Variants in GALNT13 observed in about 807,000 individuals in gnomAD.
GALNT13 encodes UDP-GalNAc:polypeptide N-acetylgalactosaminyltransferase 13.
A neutral mutation model predicts 64.2 loss-of-function variants in GALNT13; 28 were observed. The observed-to-expected ratio is 0.44, with a 90% CI of 0.32 to 0.60. The LOEUF (loss-of-function observed/expected upper bound fraction) is 0.60. Ranked by LOEUF, GALNT13 falls within the 20% of genes least tolerant of loss-of-function variation. The pLI is 0.05. For missense variants in GALNT13, 577 were observed against 669.8 expected (o/e 0.86, Z 1.53); for synonymous variants, 214 against 224.6 (o/e 0.95, Z 0.42).
the GALNT13 span, among the ~76,000 whole-genome samples, chr2:153,411,247 C>G: frequency 1.3e-5 from 2 of 150,534 alleles, no homozygotes; most frequent in South Asian, 4.2e-4. Context: ...ATTAATTCAT[C>G]AAGTACTTAT....
At chr2:153,610,783 A>C in the GALNT13 span, among the ~76,000 whole-genome samples, 1 of 152,206 alleles carries the variant, frequency 6.6e-6, no homozygotes, top group African/African-American at 2.4e-5. Context: ...GAAGGTAAAA[A>C]ACTAAAGACA....
the GALNT13 span, among the ~76,000 whole-genome samples, chr2:153,861,185 AG>A: frequency 6.6e-6 from 1 of 152,220 alleles, no homozygotes; most frequent in Non-Finnish European, 1.5e-5. Flanking sequence ...AGTCTAAGCA[AG>A]GTAATATACT....
chr2:154,280,448 C>A (rs1280914382), intron 8 of GALNT13, among the ~76,000 whole-genome samples: 1 of 152,152 alleles, frequency 6.6e-6, no homozygotes, highest in African/African-American at 2.4e-5. Flanking sequence ...ACAGGTTGTC[C>A]TATTTCCTCA....
At chr2:153,265,970 G>A in the GALNT13 span, among the ~76,000 whole-genome samples, 12 of 152,040 alleles carry the variant, frequency 7.9e-5, no homozygotes, top group Non-Finnish European at 1.2e-4. Context: ...TCAGATGGTC[G>A]TTAACAATTT....
the GALNT13 span, among the ~76,000 whole-genome samples, chr2:153,345,719 GTCCTTCCTTCCTTCCTTCCT>G: frequency 6.3e-5 from 5 of 79,976 alleles, no homozygotes; most frequent in Admixed American, 3.0e-4. Flanking sequence ...CTCTCTTTCT[GTCCTTCCTTCCTTCCTTCCT>G]TCCTTCCTTC....
At chr2:154,102,770 T>G (rs1022483856) in intron 3 of GALNT13, among the ~76,000 whole-genome samples, 1 of 152,180 alleles carries the variant, frequency 6.6e-6, no homozygotes, top group Non-Finnish European at 1.5e-5. Flanking sequence ...TGCTGTCTCT[T>G]TTCTTAAGTT....
In GALNT13 at chr2:154,357,748, T is replaced by C. The variant is rs552790591; in HGVS notation, c.1157-38243T>C. Among the ~76,000 whole-genome samples, 6 of 152,156 alleles carry C rather than the reference T, an allele frequency of 3.9e-5. No individual in the cohort carries two copies. The East Asian group carries it at 9.7e-4, about 25-fold the overall frequency. ...ATACTCATTTATATCCCAGTATCAG[T>C]CACATTTGACATTCAGCTGGAGTGA... is the stretch of plus-strand genomic sequence containing the variant. On this transcript the variant is annotated intron_variant, in intron 9 of 12. Coordinates refer to ENST00000392825, the MANE Select transcript of GALNT13 (RefSeq NM_052917.4).
At chr2:154,029,545 T>C (rs1214207277) in intron 3 of GALNT13, among the ~76,000 whole-genome samples, 1 of 152,142 alleles carries the variant, frequency 6.6e-6, no homozygotes, top group Non-Finnish European at 1.5e-5. Context: ...CTGAGTAGAA[T>C]GATTCAAACC....
At chr2:154,291,577 T>C (rs1006024215) in intron 8 of GALNT13, among the ~76,000 whole-genome samples, 2 of 152,214 alleles carry the variant, frequency 1.3e-5, no homozygotes, top group African/African-American at 4.8e-5. Flanking sequence ...CAGCAGGTGC[T>C]GGCCGGCCAC....
At position 153,894,070 on chromosome 2, in the gene GALNT13, T is replaced by C. The variant is rs572925211; in HGVS notation, c.-176-6866T>C. On this transcript the variant is annotated intron_variant, in intron 1 of 12. Coordinates refer to ENST00000392825, the MANE Select transcript of GALNT13 (RefSeq NM_052917.4). Reference sequence around the variant, plus strand: ...AGAAGAGCCAATATTTTCTCCTGTTTCTTCAGGTAGCGAGGGGCCAGTGGT... The same window carrying C: ...AGAAGAGCCAATATTTTCTCCTGTTCCTTCAGGTAGCGAGGGGCCAGTGGT... Among the ~76,000 whole-genome samples, 7 of 152,214 alleles carry C rather than the reference T, an allele frequency of 4.6e-5. No individual in the cohort carries two copies. In the East Asian group the frequency reaches 1.4e-3, roughly 29 times the overall value.
At chr2:153,615,272 C>T in the GALNT13 span, among the ~76,000 whole-genome samples, 1 of 151,992 alleles carries the variant, frequency 6.6e-6, no homozygotes, top group Non-Finnish European at 1.5e-5. Flanking sequence ...CCGTAAGTGT[C>T]TATTAATAGA....
chr2:153,418,027 G>C, the GALNT13 span, among the ~76,000 whole-genome samples: 3 of 152,164 alleles, frequency 2.0e-5, no homozygotes, highest in African/African-American at 7.2e-5. Context: ...CAGCAAAATG[G>C]CCTTCCAAAG....
the GALNT13 span, among the ~76,000 whole-genome samples, chr2:153,356,090 A>G: frequency 6.6e-6 from 1 of 152,224 alleles, no homozygotes; most frequent in Middle Eastern, 3.2e-3. Flanking sequence ...ATGGAATAAT[A>G]CTTGCAAAGT....
At chr2:154,368,954 C>T (rs1559117775) in intron 9 of GALNT13, among the ~76,000 whole-genome samples, 1 of 151,604 alleles carries the variant, frequency 6.6e-6, no homozygotes, top group Non-Finnish European at 1.5e-5. Flanking sequence ...CCATTGTGTT[C>T]CGGAATTGTA....
At chr2:154,439,229 T>C (rs993751664) in intron 12 of GALNT13, among the ~76,000 whole-genome samples, 2 of 152,150 alleles carry the variant, frequency 1.3e-5, no homozygotes, top group African/African-American at 2.4e-5. Context: ...ACATAAAAAG[T>C]TGAGTAGCCT....
At chr2:154,335,681 A>G (rs946941738) in intron 9 of GALNT13, among the ~76,000 whole-genome samples, 1 of 152,052 alleles carries the variant, frequency 6.6e-6, no homozygotes, top group African/African-American at 2.4e-5. Context: ...TGCTTCATTA[A>G]TTATAACGCG....
the GALNT13 span, among the ~76,000 whole-genome samples, chr2:153,343,449 C>T: frequency 6.6e-6 from 1 of 151,990 alleles, no homozygotes; most frequent in Non-Finnish European, 1.5e-5. Context: ...ACTTACCATG[C>T]ACATTAGATA....
the GALNT13 span, among the ~76,000 whole-genome samples, chr2:153,781,774 G>C: frequency 6.6e-6 from 1 of 151,922 alleles, no homozygotes; most frequent in Admixed American, 6.6e-5. Flanking sequence ...CAAAGTTGAG[G>C]AAAAGAGATG....
the GALNT13 span, among the ~76,000 whole-genome samples, chr2:153,370,102 G>A: frequency 1.3e-5 from 2 of 152,090 alleles, no homozygotes; most frequent in Non-Finnish European, 2.9e-5. Context: ...ATAAATGTTA[G>A]CGAACCAACT....
Sources: allele counts gnomAD v4.1 joint callset (sites outside exome capture counted in the v4.1 genomes callset), GRCh38; gene constraint gnomAD v4.1.1; transcripts MANE v1.5; gene names NCBI Gene and HGNC (gene_info 2026-07-23, HGNC 2026-07-21).